SORCS3: variants seen among roughly 807,000 people sequenced by gnomAD.
The protein encoded by SORCS3 is sortilin related VPS10 domain containing receptor 3, also known as VPS10 domain-containing receptor SorCS3.
A neutral mutation model predicts 146.3 loss-of-function variants in SORCS3; 57 were observed. The observed-to-expected ratio is 0.39, with a 90% CI of 0.31 to 0.49. The LOEUF (loss-of-function observed/expected upper bound fraction) is 0.49, where lower values mean the gene tolerates loss of function less well. Among genes scored for constraint, SORCS3 ranks in the 20% least tolerant of loss-of-function variants. SORCS3 has a pLI of 0.92. For synonymous variants in SORCS3, 653 were observed against 618.5 expected, an observed-to-expected ratio of 1.06 and a Z score of -0.83; for missense variants, 1,341 against 1,575.5, an observed-to-expected ratio of 0.85 and a Z score of 2.52.
At chr10:104,876,577 AG>A (rs2018573806) in intron 2 of SORCS3, among the ~76,000 whole-genome samples, 2 of 152,272 alleles carry the variant, frequency 1.3e-5, no homozygotes, top group Admixed American at 1.3e-4. Context: ...AAGCCTGGAT[AG>A]GGTTTTTCAT....
At chr10:104,787,286 T>C (rs2017449776) in intron 1 of SORCS3, among the ~76,000 whole-genome samples, 1 of 152,166 alleles carries the variant, frequency 6.6e-6, no homozygotes, top group Non-Finnish European at 1.5e-5. Flanking sequence ...ACTTTTCTGA[T>C]CCCAGTATTC....
At chr10:104,852,920 C>A (rs2018288992) in intron 2 of SORCS3, among the ~76,000 whole-genome samples, 1 of 152,172 alleles carries the variant, frequency 6.6e-6, no homozygotes, top group Admixed American at 6.5e-5. Context: ...AGGTGCTGCT[C>A]CCCTGGAGCT....
intron 3 of SORCS3, among the ~76,000 whole-genome samples, chr10:104,976,167 A>G (rs2054896183): frequency 6.6e-6 from 1 of 152,236 alleles, no homozygotes; most frequent in Non-Finnish European, 1.5e-5. Context: ...CTCATCTGAC[A>G]AAGGGCTAAT....
At position 105,166,372 on chromosome 10, in the gene SORCS3, A is replaced by G. The variant is rs564084239; in HGVS notation, c.1810-886A>G. Among the ~76,000 whole-genome samples the G allele has an allele frequency of 1.4e-3, 215 of 152,300 alleles. 2 individuals are homozygous for G. Among genetic ancestry groups the G allele is most frequent in the South Asian group, 0.014 (68 of 4,832 alleles). On this transcript the variant is annotated intron_variant, in intron 12 of 26. Transcript: ENST00000369701. ...GGTTAAGTGCTGTAGGAATTCTCCA[A>G]GCATACTTTCCCCTAGAAGATCTAC...
At chr10:104,748,744 T>C (rs1486188175) in intron 1 of SORCS3, among the ~76,000 whole-genome samples, 1 of 152,150 alleles carries the variant, frequency 6.6e-6, no homozygotes, top group Non-Finnish European at 1.5e-5. Flanking sequence ...TCCCAGCTAC[T>C]TGGGAGGCTG....
chr10:104,842,675 T>C, intron 1 of SORCS3, 117 bp from the exon 2 acceptor site: 1 of 751,232 alleles, frequency 1.3e-6, no homozygotes, highest in South Asian at 1.7e-5. Context: ...GGATAAATAC[T>C]AAGCCCTCCT....
At chr10:105,052,782 G>T (rs1000106736) in intron 5 of SORCS3, among the ~76,000 whole-genome samples, 2 of 152,064 alleles carry the variant, frequency 1.3e-5, no homozygotes, top group Non-Finnish European at 1.5e-5. Flanking sequence ...CAAGGAGAAA[G>T]TACCAAATTG....
intron 9 of SORCS3, among the ~76,000 whole-genome samples, chr10:105,151,701 G>T (rs1471659199): frequency 1.3e-5 from 2 of 151,772 alleles, no homozygotes; most frequent in African/African-American, 4.9e-5. Context: ...TGGACCAATG[G>T]AGATCAACCC....
chr10:104,760,219 C>A (rs1010521642), intron 1 of SORCS3, among the ~76,000 whole-genome samples: 1 of 152,170 alleles, frequency 6.6e-6, no homozygotes, highest in African/African-American at 2.4e-5. Context: ...TCTTGTGTGC[C>A]TTGTCTCAGG....
Position 104,888,939 on chromosome 10 carries a change from A to G in SORCS3, c.696-26894A>G, listed in dbSNP as rs144686979. Among the ~76,000 whole-genome samples, 51 of 152,300 alleles carry G rather than the reference A, an allele frequency of 3.3e-4. No homozygotes were observed. In the East Asian group the frequency reaches 8.9e-3, roughly 26 times the overall value. ...TTACCGTTGAATATTAGCCCTACCT[A>G]TTCCCTACTTTAGGTCATATATTTT... On this transcript the variant is annotated intron_variant, in intron 2 of 26. Transcript: ENST00000369701.
At chr10:105,070,172 T>C (rs1216547273) in intron 5 of SORCS3, among the ~76,000 whole-genome samples, 1 of 152,218 alleles carries the variant, frequency 6.6e-6, no homozygotes, top group African/African-American at 2.4e-5. Flanking sequence ...CCATTTAAAT[T>C]CCCTCAAATG....
At chr10:104,695,000 A>G (rs2016157799) in intron 1 of SORCS3, among the ~76,000 whole-genome samples, 1 of 152,190 alleles carries the variant, frequency 6.6e-6, no homozygotes, top group Non-Finnish European at 1.5e-5. Flanking sequence ...GTATGCAGTC[A>G]TGATCAGGGC....
chr10:104,653,131 G>A (rs1015982148), intron 1 of SORCS3, among the ~76,000 whole-genome samples: 1 of 152,190 alleles, frequency 6.6e-6, no homozygotes, highest in African/African-American at 2.4e-5. Context: ...TTGACAAGGA[G>A]TGTCCTGAGC....
intron 1 of SORCS3, among the ~76,000 whole-genome samples, chr10:104,786,659 T>C (rs1377745401): frequency 6.6e-6 from 1 of 151,672 alleles, no homozygotes; most frequent in East Asian, 1.9e-4. Flanking sequence ...CTGAGAGGAA[T>C]GGCTTCAGGT....
At chr10:105,127,386 AG>A (rs774189770) in intron 7 of SORCS3, among the ~76,000 whole-genome samples, 1 of 152,162 alleles carries the variant, frequency 6.6e-6, no homozygotes, top group Non-Finnish European at 1.5e-5. Flanking sequence ...AGCCTAGCAA[AG>A]TGAAAAGAGC....
At chr10:104,696,472 G>GAATATAT (rs1325737234) in intron 1 of SORCS3, among the ~76,000 whole-genome samples, 887 of 17,600 alleles carry the variant, frequency 0.05, 124 homozygotes, top group Middle Eastern at 0.4. Flanking sequence ...ATAATATATA[G>GAATATAT]AATATAGAAT....
At chr10:104,970,389 C>T (rs1183683993) in intron 3 of SORCS3, among the ~76,000 whole-genome samples, 1 of 152,176 alleles carries the variant, frequency 6.6e-6, no homozygotes, top group African/African-American at 2.4e-5. Context: ...TGAAGTGATT[C>T]ACCCGCCTCG....
chr10:104,963,451 A>G (rs1359939855), intron 3 of SORCS3, among the ~76,000 whole-genome samples: 1 of 152,152 alleles, frequency 6.6e-6, no homozygotes, highest in Non-Finnish European at 1.5e-5. Context: ...CCTTGATTTT[A>G]AGAGTATCTC....
chr10:104,861,293 T>C (rs1219753582), intron 2 of SORCS3, among the ~76,000 whole-genome samples: 1 of 152,168 alleles, frequency 6.6e-6, no homozygotes, highest in Non-Finnish European at 1.5e-5. Flanking sequence ...CCACCTGGAT[T>C]TGAATCCCAG....
Sources: allele counts gnomAD v4.1 joint callset (sites outside exome capture counted in the v4.1 genomes callset), GRCh38; gene constraint gnomAD v4.1.1; transcripts MANE v1.5; gene names NCBI Gene and HGNC (gene_info 2026-07-23, HGNC 2026-07-21).